The following ADORA2A variants were observed in gnomAD, a reference collection of about 807,000 sequenced individuals.
ADORA2A encodes adenosine receptor A2a.
Under a neutral mutation model 18.4 loss-of-function variants are expected in ADORA2A, and 11 were observed. The observed-to-expected ratio is 0.60, with a 90% CI of 0.38 to 0.99. The LOEUF (loss-of-function observed/expected upper bound fraction) is 0.99. Among genes scored for constraint, ADORA2A ranks in the 50% least tolerant of loss-of-function variants. The probability of loss-of-function intolerance (pLI) is 0.01; values close to 1 mark genes in which losing one functional copy is unlikely to be tolerated. For synonymous variants in ADORA2A, 218 were observed against 237.3 expected, an observed-to-expected ratio of 0.92 and a Z score of 0.75; for missense variants, 449 against 556.1, an observed-to-expected ratio of 0.81 and a Z score of 1.94.
intron 1 of ADORA2A, chr22:24,431,377 G>A (rs1230363771): frequency 4.4e-5 from 20 of 456,658 alleles, no homozygotes; most frequent in Admixed American, 3.3e-4. Flanking sequence ...GCTGCAGCCC[G>A]TGCCAATCCT....
intron 2 of ADORA2A, among the ~76,000 whole-genome samples, chr22:24,439,782 T>A (rs116318278): frequency 6.6e-6 from 1 of 152,146 alleles, no homozygotes; most frequent in Non-Finnish European, 1.5e-5. Flanking sequence ...TCAGGAAGAC[T>A]GAGTGATTTC....
upstream of ADORA2A, chr22:24,423,753 G>GCGGGATCGTCCTTC (rs2042885300): frequency 6.6e-6 from 1 of 152,172 alleles, no homozygotes; most frequent in Non-Finnish European, 1.5e-5. Flanking sequence ...AGGGACACCT[G>GCGGGATCGTCCTTC]CGGGATCGTC....
Position 24,441,620 on chromosome 22 carries a change from A to C in ADORA2A, c.*131A>C. 2 of 933,932 alleles carry C rather than the reference A, an allele frequency of 2.1e-6. No individual in the cohort carries two copies. Among genetic ancestry groups the C allele is most frequent in the Non-Finnish European group, 2.9e-6 (2 of 681,146 alleles). 57.9% of individuals were successfully genotyped at this position (933,932 alleles called of 1,614,324 possible). ...GGCAGCCGGTTCCTACTTTGGACTG[A>C]GAGAAGGGAGCCCCAGGCTGGAGCA... is the stretch of plus-strand genomic sequence containing the variant. On this transcript the variant is annotated 3_prime_UTR_variant, in exon 3 of 3. Transcript: ENST00000337539.
upstream of ADORA2A, among the ~76,000 whole-genome samples, chr22:24,425,353 C>G (rs901537075): frequency 1.4e-5 from 2 of 145,116 alleles, no homozygotes; most frequent in Non-Finnish European, 1.5e-5. Flanking sequence ...CCCCCCCCCG[C>G]CCAACATCCC....
chr22:24,426,024 G>A (rs890444350), upstream of ADORA2A, among the ~76,000 whole-genome samples: 4 of 152,212 alleles, frequency 2.6e-5, no homozygotes, highest in Non-Finnish European at 4.4e-5. Flanking sequence ...GGACACCACA[G>A]GGATTGCTGT....
At chr22:24,430,110 ACT>A (rs2042992863) in intron 1 of ADORA2A, 1 of 152,026 alleles carries the variant, frequency 6.6e-6, no homozygotes, top group Non-Finnish European at 1.5e-5. Context: ...GGTGCCTCTG[ACT>A]CCACTGATCT....
intron 2 of ADORA2A, among the ~76,000 whole-genome samples, chr22:24,434,791 A>G (rs1040314241): frequency 6.6e-6 from 1 of 152,266 alleles, no homozygotes; most frequent in African/African-American, 2.4e-5. Flanking sequence ...ATGGAAATTT[A>G]GAGCGTCAAA....
chr22:24,425,837 C>T (rs370137275), upstream of ADORA2A, among the ~76,000 whole-genome samples: 1 of 152,222 alleles, frequency 6.6e-6, no homozygotes, highest in Non-Finnish European at 1.5e-5. Context: ...GTTGCTGTCC[C>T]GGGGAATCTG....
In ADORA2A at chr22:24,433,317, G is replaced by A; in HGVS notation, c.-88G>A. 7.5e-7 allele frequency: 1 copy of A among 1,335,422 alleles called. No homozygotes were observed. Among genetic ancestry groups the A allele is most frequent in the Non-Finnish European group, 1.0e-6 (1 of 976,634 alleles). The allele number at this position is 1,335,422 out of a possible 1,614,324, so 82.7% of individuals were successfully genotyped here. ...TGGGCCCCTCCGCCTGGGCCGGGCT[G>A]GGAGCCAGGCGGGCGGCTGGGCTGC... On this transcript the variant is annotated 5_prime_UTR_variant, in exon 2 of 3. Transcript: ENST00000337539.
upstream of ADORA2A, among the ~76,000 whole-genome samples, chr22:24,425,447 G>T (rs2042908870): frequency 6.6e-6 from 1 of 151,326 alleles, no homozygotes. Flanking sequence ...GCTTTTTGGG[G>T]TCTCCCAGCC....
upstream of ADORA2A, chr22:24,423,942 G>C (rs1209894354): frequency 1.3e-5 from 2 of 151,972 alleles, no homozygotes; most frequent in African/African-American, 4.8e-5. Context: ...AGCGGGAGCC[G>C]GCGTGCGAGC....
intron 1 of ADORA2A, chr22:24,431,421 G>A (rs1228650434): frequency 4.4e-6 from 2 of 456,670 alleles, no homozygotes; most frequent in African/African-American, 4.0e-5. Context: ...CAGCATTGGA[G>A]TTGGAGGGAA....
At chr22:24,432,961 G>T in intron 1 of ADORA2A, 170 bp from the exon 2 acceptor site, 1 of 210,446 alleles carries the variant, frequency 4.8e-6, no homozygotes, top group African/African-American at 2.3e-5. Context: ...GCAGGGCATG[G>T]GGCTAGGCGG....
intron 2 of ADORA2A, among the ~76,000 whole-genome samples, chr22:24,436,341 C>G (rs892374696): frequency 1.3e-5 from 2 of 152,224 alleles, no homozygotes; most frequent in African/African-American, 4.8e-5. Flanking sequence ...CTGCTCCACT[C>G]AGAAAGGTCC....
chr22:24,425,594 C>G (rs2042910211), upstream of ADORA2A, among the ~76,000 whole-genome samples: 2 of 152,254 alleles, frequency 1.3e-5, no homozygotes, highest in African/African-American at 4.8e-5. Flanking sequence ...GCAGCCCAGT[C>G]ACCTCTGGCC....
Position 24,440,605 on chromosome 22 carries a change from A to C in ADORA2A, c.355A>C (p.Thr119Pro). Residue 119 changes from threonine (T) to proline (P), a missense_variant, in exon 3 of 3, where the codon ACG becomes CCG. Thr to Pro is a conservative substitution (Grantham distance 38, BLOSUM62 -1). Coordinates refer to ENST00000337539, the MANE Select transcript of ADORA2A (RefSeq NM_000675.6). ...PLRYNGLVTGTRAKGIIAICW... is the reference protein window; with the variant it reads ...PLRYNGLVTGPRAKGIIAICW... ...CAGGTACAATGGCTTGGTGACCGGC[A>C]CGAGGGCTAAGGGCATCATTGCCAT... 6.4e-7 allele frequency: 1 copy of C among 1,568,890 alleles called. No individual in the cohort carries two copies. The highest frequency in any genetic ancestry group is 1.4e-5 in the African/African-American group (1 of 74,056).
upstream of ADORA2A, among the ~76,000 whole-genome samples, chr22:24,426,746 C>T (rs529588473): frequency 6.6e-6 from 1 of 152,258 alleles, no homozygotes; most frequent in African/African-American, 2.4e-5. Context: ...AGCAGCAGAG[C>T]AGCTGCCCCT....
At chr22:24,431,093 T>G in intron 1 of ADORA2A, 2 of 456,200 alleles carry the variant, frequency 4.4e-6, no homozygotes, top group Non-Finnish European at 8.8e-6. Flanking sequence ...CTGTGTTCCT[T>G]GAGTGTGGCC....
At chr22:24,436,843 G>A (rs1364044756) in intron 2 of ADORA2A, among the ~76,000 whole-genome samples, 1 of 152,146 alleles carries the variant, frequency 6.6e-6, no homozygotes, top group South Asian at 2.1e-4. Context: ...TGTGTCAGGA[G>A]GGGGGCAAAG....
Sources: allele counts gnomAD v4.1 joint callset (sites outside exome capture counted in the v4.1 genomes callset), GRCh38; gene constraint gnomAD v4.1.1; transcripts MANE v1.5; gene names NCBI Gene and HGNC (gene_info 2026-07-23, HGNC 2026-07-21).